Variants in SLC30A6 observed in about 807,000 individuals in gnomAD.
SLC30A6 encodes the protein solute carrier family 30 member 6, also known as zinc transporter 6.
Under a neutral mutation model 63.0 loss-of-function variants are expected in SLC30A6, and 55 were observed. The ratio of observed to expected loss-of-function variants is 0.87; its 90% CI spans 0.70 to 1.09. SLC30A6 has a LOEUF of 1.09. SLC30A6 is among the 50% of genes least tolerant of loss of function. The probability of loss-of-function intolerance (pLI) is 0.00; values close to 1 mark genes in which losing one functional copy is unlikely to be tolerated. For missense variants in SLC30A6, 587 were observed against 549.2 expected (o/e 1.07, Z -0.69); for synonymous variants, 224 against 186.1 (o/e 1.20, Z -1.66).
chr2:32,182,250 C>T (rs1053074954), intron 4 of SLC30A6, among the ~76,000 whole-genome samples: 1 of 152,144 alleles, frequency 6.6e-6, no homozygotes, highest in Admixed American at 6.5e-5. Flanking sequence ...TTGTATATTT[C>T]TGACTGCAGA....
chr2:32,215,508 A>G (rs1685619640), intron 13 of SLC30A6, among the ~76,000 whole-genome samples: 5 of 91,292 alleles, frequency 5.5e-5, no homozygotes, highest in Middle Eastern at 0.011. Context: ...TATTATATAT[A>G]TATATATATT....
chr2:32,209,470 T>C, intron 12 of SLC30A6, 23 bp from the exon 13 acceptor site: 1 of 1,589,652 alleles, frequency 6.3e-7, no homozygotes, highest in South Asian at 1.1e-5. Flanking sequence ...ACAACTCTGA[T>C]CACCTCTTTC....
chr2:32,174,398 G>C (rs1573243216), intron 3 of SLC30A6, among the ~76,000 whole-genome samples: 1 of 151,642 alleles, frequency 6.6e-6, no homozygotes, highest in Admixed American at 6.6e-5. Flanking sequence ...TCGCCATGTT[G>C]CCCAGGCTGG....
intron 11 of SLC30A6, among the ~76,000 whole-genome samples, chr2:32,205,813 A>G (rs1373279195): frequency 2.0e-5 from 3 of 151,482 alleles, no homozygotes; most frequent in Non-Finnish European, 2.9e-5. Context: ...GACTACAGCC[A>G]TGTGCCACCA....
chr2:32,203,483 T>C (rs962726912), intron 10 of SLC30A6: 55 of 1,603,430 alleles, frequency 3.4e-5, no homozygotes, highest in Admixed American at 8.3e-5. Context: ...AGTGGATGCA[T>C]TGGCTGCAGC....
intron 10 of SLC30A6, chr2:32,201,507 G>C: frequency 1.8e-6 from 1 of 541,282 alleles, no homozygotes; most frequent in East Asian, 3.4e-5. Flanking sequence ...AGCCACGGCT[G>C]AGTGGCTGCC....
intron 13 of SLC30A6, among the ~76,000 whole-genome samples, chr2:32,213,417 G>A (rs1052742420): frequency 6.6e-6 from 1 of 150,530 alleles, no homozygotes; most frequent in African/African-American, 2.4e-5. Context: ...GTTGTAATGT[G>A]CAAAACTCCT....
chr2:32,202,571 T>A (rs1195626102), intron 10 of SLC30A6: 1 of 384,852 alleles, frequency 2.6e-6, no homozygotes, highest in Non-Finnish European at 4.9e-6. Context: ...GACCTTGTGA[T>A]CTGCCCATCT....
Position 32,192,365 on chromosome 2 carries a change from T to G in SLC30A6, c.314T>G (p.Phe105Cys). The change falls in exon 6 of 14, where the codon TTT (phenylalanine) becomes TGT (cysteine). Residue 105 changes from phenylalanine to cysteine, a missense_variant. Coordinates refer to ENST00000282587, the MANE Select transcript of SLC30A6 (RefSeq NM_017964.5). ...GAAAGATTAGAAGTCCTGGCTGTAT[T>G]TGCCTCCACAGTCTTGGCACAGTTG... ...GFERLEVLAV[F>C]ASTVLAQLGA... is the part of the protein sequence containing the mutation. The G allele has an allele frequency of 6.2e-7, 1 of 1,614,068 alleles. No individual in the cohort carries two copies. The highest frequency in any genetic ancestry group is 8.5e-7 in the Non-Finnish European group (1 of 1,179,960).
Position 32,220,607 on chromosome 2 carries a change from G to T in SLC30A6, c.1280G>T (p.Gly427Val). 1.2e-6 allele frequency: 2 copies of T among 1,614,150 alleles called. No individual in the cohort carries two copies. Among genetic ancestry groups the T allele is most frequent in the Non-Finnish European group, 1.7e-6 (2 of 1,180,026 alleles). ...HTPYSSMLNQ[G>V]LGVPGIGATQ... ...CCTTACAGCAGCATGCTTAATCAAG[G>T]ACTTGGAGTTCCAGGAATTGGAGCA... Residue 427 changes from glycine to valine, a missense_variant, in exon 14 of 14, where the codon GGA (glycine) becomes GTA (valine). Coordinates refer to ENST00000282587, the MANE Select transcript of SLC30A6 (RefSeq NM_017964.5).
intron 10 of SLC30A6, among the ~76,000 whole-genome samples, chr2:32,200,012 G>A (rs1312250996): frequency 6.6e-6 from 1 of 151,958 alleles, no homozygotes; most frequent in Non-Finnish European, 1.5e-5. Flanking sequence ...CCACCTGGGA[G>A]GCTGAAGCAG....
chr2:32,197,530 T>G (rs1330365405), intron 9 of SLC30A6, 138 bp downstream of exon 9: 2 of 1,259,886 alleles, frequency 1.6e-6, no homozygotes, highest in Non-Finnish European at 2.2e-6. Flanking sequence ...CTCCCTTTAC[T>G]TTTTAATTGA....
At chr2:32,176,533 C>G (rs539330527) in intron 4 of SLC30A6, among the ~76,000 whole-genome samples, 145 of 151,606 alleles carry the variant, frequency 9.6e-4, no homozygotes, top group African/African-American at 3.3e-3. Context: ...TGGTGGGCAT[C>G]TGTAGTCCCA....
At chr2:32,180,614 G>A (rs1201266491) in intron 4 of SLC30A6, among the ~76,000 whole-genome samples, 1 of 151,900 alleles carries the variant, frequency 6.6e-6, no homozygotes, top group Non-Finnish European at 1.5e-5. Context: ...TGTATTTTTA[G>A]TGGAGATGGG....
chr2:32,171,227 A>T, intron 1 of SLC30A6, 60 bp from the exon 2 acceptor site: 1 of 1,393,892 alleles, frequency 7.2e-7, no homozygotes, highest in Non-Finnish European at 1.0e-6. Flanking sequence ...ATATCATATC[A>T]TAGGAACTCT....
At chr2:32,205,662 CTT>C (rs745414068) in intron 11 of SLC30A6, among the ~76,000 whole-genome samples, 4 of 87,220 alleles carry the variant, frequency 4.6e-5, no homozygotes, top group Non-Finnish European at 6.4e-5. Context: ...AATGTTACTT[CTT>C]TTTTTTTTTT....
Position 32,222,676 on chromosome 2 carries a change from C to T in SLC30A6, c.*1963C>T, listed in dbSNP as rs1237085995. On this transcript the variant is annotated 3_prime_UTR_variant, in exon 14 of 14. Transcript: ENST00000282587. ...TTGACTACTGGGGAAAATGATACTT[C>T]GTAAAATGTAATAAGGCAACCTGTT... The T allele has an allele frequency of 2.6e-5, 4 of 152,180 alleles. No homozygotes were observed. Among genetic ancestry groups the T allele is most frequent in the African/African-American group, 2.4e-5 (1 of 41,440 alleles). The allele number at this position is 152,180 out of a possible 1,614,324, so 9.4% of individuals were successfully genotyped here. A position where few individuals can be genotyped will look rare whatever the true frequency, so the allele number is the denominator to read the frequency against.
At chr2:32,167,382 C>CTT (rs11293465) in intron 1 of SLC30A6, among the ~76,000 whole-genome samples, 26 of 132,508 alleles carry the variant, frequency 2.0e-4, no homozygotes, top group Middle Eastern at 3.8e-3. Flanking sequence ...GCCACAAACT[C>CTT]TTTTTTTTTT....
chr2:32,206,785 A>G, intron 11 of SLC30A6, 101 bp from the exon 12 acceptor site: 1 of 898,810 alleles, frequency 1.1e-6, no homozygotes, highest in South Asian at 1.4e-5. Flanking sequence ...CTGTCAAAGC[A>G]AAGGCTGGCT....
Sources: gnomAD v4.1 joint callset for allele counts (sites outside exome capture counted in the v4.1 genomes callset) on GRCh38, gnomAD v4.1.1 for gene constraint, MANE v1.5 for transcripts, NCBI Gene and HGNC (gene_info 2026-07-23, HGNC 2026-07-21) for gene names.